Variants in ADAM22 observed in about 807,000 individuals in gnomAD.
ADAM22 encodes the protein disintegrin and metalloproteinase domain-containing protein 22.
ADAM22 carries 65 observed loss-of-function variants against 144.6 expected under a neutral mutation model. That is an observed-to-expected ratio of 0.45 (90% confidence interval 0.37 to 0.55). The LOEUF is 0.55. Ranked by LOEUF, ADAM22 falls within the 20% of genes least tolerant of loss-of-function variation. The pLI is 0.00. For missense variants in ADAM22, 974 were observed against 1,184.9 expected (o/e 0.82, Z 2.61); for synonymous variants, 391 against 412.6 (o/e 0.95, Z 0.63).
chr7:87,999,319 C>T (rs975394764), intron 3 of ADAM22, among the ~76,000 whole-genome samples: 1 of 152,162 alleles, frequency 6.6e-6, no homozygotes, highest in Non-Finnish European at 1.5e-5. Context: ...TACACAATCA[C>T]ACAACATAGC....
intron 14 of ADAM22, among the ~76,000 whole-genome samples, chr7:88,142,135 A>G (rs1834871396): frequency 6.6e-6 from 1 of 152,216 alleles, no homozygotes. Context: ...TTAGTATGCC[A>G]TTACTCCTAA....
Position 88,014,326 on chromosome 7 carries a change from A to G in ADAM22, c.323+35914A>G, listed in dbSNP as rs10253889. On this transcript the variant is annotated intron_variant, in intron 3 of 31. Coordinates refer to ENST00000413139, the MANE Select transcript of ADAM22 (RefSeq NM_001324418.2). ...ATATAATGGGCCCGATGCTGCTTCT[A>G]TTCTAGGAAGGTTCAACTTTCTCCC... 7.6e-3 allele frequency among the ~76,000 whole-genome samples: 1,164 copies of G among 152,304 alleles called. 15 individuals are homozygous for G. The highest frequency in any genetic ancestry group is 0.027 in the African/African-American group (1,107 of 41,562).
At chr7:87,963,449 A>T (rs10269677) in intron 2 of ADAM22, among the ~76,000 whole-genome samples, 2,345 of 152,342 alleles carry the variant, frequency 0.015, 74 homozygotes, top group African/African-American at 0.053. Flanking sequence ...GTTTAAAAAA[A>T]ACTATTATAA....
chr7:88,075,823 G>A, intron 4 of ADAM22, 131 bp downstream of exon 4: 1 of 738,418 alleles, frequency 1.4e-6, no homozygotes. Flanking sequence ...ATAATTTGAA[G>A]TTTTATCACC....
intron 17 of ADAM22, among the ~76,000 whole-genome samples, chr7:88,146,500 C>T (rs1046086055): frequency 1.3e-5 from 2 of 152,140 alleles, no homozygotes; most frequent in Non-Finnish European, 2.9e-5. Flanking sequence ...ATGTCTTGTG[C>T]ATTGTAGAAT....
At chr7:88,066,296 T>C (rs550904719) in intron 3 of ADAM22, among the ~76,000 whole-genome samples, 33 of 152,148 alleles carry the variant, frequency 2.2e-4, no homozygotes, top group Non-Finnish European at 4.4e-4. Flanking sequence ...AAAACACTAT[T>C]GACAGAATTT....
At chr7:88,031,416 G>T (rs779913166) in intron 3 of ADAM22, among the ~76,000 whole-genome samples, 8 of 152,204 alleles carry the variant, frequency 5.3e-5, no homozygotes, top group African/African-American at 1.2e-4. Context: ...TGAAGTTCAG[G>T]TTTAAGTGGT....
chr7:88,029,719 T>A (rs886262010), intron 3 of ADAM22, among the ~76,000 whole-genome samples: 3 of 152,140 alleles, frequency 2.0e-5, no homozygotes, highest in Admixed American at 6.5e-5. Context: ...CTCCTTCATA[T>A]ATGAATGATA....
At chr7:88,145,024 A>T in intron 15 of ADAM22, 101 bp from the exon 16 acceptor site, 2 of 907,950 alleles carry the variant, frequency 2.2e-6, no homozygotes, top group African/African-American at 1.7e-5. Flanking sequence ...TTTTAGAATG[A>T]CTGGCAGGGC....
intron 2 of ADAM22, among the ~76,000 whole-genome samples, chr7:87,950,042 A>C (rs1844657063): frequency 6.6e-6 from 1 of 152,068 alleles, no homozygotes; most frequent in Admixed American, 6.6e-5. Context: ...AATCAGAAAA[A>C]TATACCAGTA....
At chr7:88,065,032 A>G (rs1046557276) in intron 3 of ADAM22, among the ~76,000 whole-genome samples, 1 of 152,136 alleles carries the variant, frequency 6.6e-6, no homozygotes, top group African/African-American at 2.4e-5. Context: ...ATTGAAAAAT[A>G]ATTAAGATGT....
At chr7:87,962,568 CAT>C (rs1473851631) in intron 2 of ADAM22, among the ~76,000 whole-genome samples, 1 of 151,798 alleles carries the variant, frequency 6.6e-6, no homozygotes, top group Admixed American at 6.6e-5. Flanking sequence ...TTTTTTTAAT[CAT>C]GTGGCAGAAT....
intron 30 of ADAM22, among the ~76,000 whole-genome samples, chr7:88,189,630 C>A (rs918664306): frequency 2.0e-5 from 3 of 152,160 alleles, no homozygotes; most frequent in Non-Finnish European, 2.9e-5. Flanking sequence ...CTTGAATCCT[C>A]TCTTAGTACA....
chr7:87,992,871 AAACGG>A (rs1372109781), intron 3 of ADAM22, among the ~76,000 whole-genome samples: 2 of 152,150 alleles, frequency 1.3e-5, no homozygotes, highest in Non-Finnish European at 2.9e-5. Flanking sequence ...CATTGTAGGG[AAACGG>A]AACCTTTTCA....
At chr7:88,125,018 C>A (rs1202986562) in intron 7 of ADAM22, among the ~76,000 whole-genome samples, 1 of 151,904 alleles carries the variant, frequency 6.6e-6, no homozygotes, top group African/African-American at 2.4e-5. Context: ...TATAAATAAC[C>A]TAATCTTATA....
intron 2 of ADAM22, among the ~76,000 whole-genome samples, chr7:87,950,436 A>G (rs943700385): frequency 4.8e-5 from 7 of 147,104 alleles, no homozygotes; most frequent in South Asian, 2.2e-4. Context: ...ATGATTTCCA[A>G]TTTCATCCAT....
chr7:87,968,682 A>G (rs2129446748), intron 2 of ADAM22, among the ~76,000 whole-genome samples: 1 of 152,314 alleles, frequency 6.6e-6, no homozygotes. Flanking sequence ...TGACTGTGCA[A>G]CTGCACTCCA....
At chr7:88,194,601 T>G (rs1359235843) in intron 31 of ADAM22, among the ~76,000 whole-genome samples, 1 of 152,196 alleles carries the variant, frequency 6.6e-6, no homozygotes, top group African/African-American at 2.4e-5. Context: ...AATTGCTCAT[T>G]TTTTCTCACT....
At chr7:88,151,234 G>A in intron 19 of ADAM22, 23 bp from the exon 20 acceptor site, 1 of 1,613,746 alleles carries the variant, frequency 6.2e-7, no homozygotes, top group Non-Finnish European at 8.5e-7. Flanking sequence ...CATCGCTAAT[G>A]GGTATTTGCT....
Sources: allele counts gnomAD v4.1 joint callset (sites outside exome capture counted in the v4.1 genomes callset), GRCh38; gene constraint gnomAD v4.1.1; transcripts MANE v1.5; gene names NCBI Gene and HGNC (gene_info 2026-07-23, HGNC 2026-07-21).